UBE2L3: variants seen among roughly 807,000 people sequenced by gnomAD.
The protein encoded by UBE2L3 is ubiquitin-conjugating enzyme E2 L3.
In UBE2L3, 1 loss-of-function variant was observed where a neutral mutation model predicts 17.8. The observed-to-expected ratio is 0.06, with a 90% CI of 0.02 to 0.27. The LOEUF is 0.27. Ranked by LOEUF, UBE2L3 falls within the 10% of genes least tolerant of loss-of-function variation. The pLI, the probability that UBE2L3 is intolerant of heterozygous loss-of-function variation, is 1.00. For synonymous variants in UBE2L3, 44 were observed against 68.5 expected, an observed-to-expected ratio of 0.64 and a Z score of 1.76; for missense variants, 40 against 192.6, an observed-to-expected ratio of 0.21 and a Z score of 4.69.
At chr22:21,611,502 G>A (rs1163010229) in intron 3 of UBE2L3, among the ~76,000 whole-genome samples, 1 of 152,224 alleles carries the variant, frequency 6.6e-6, no homozygotes, top group East Asian at 1.9e-4. Context: ...CTAGAGCCTA[G>A]TTGCTCGGGT....
chr22:21,569,619 C>T (rs553539460), intron 1 of UBE2L3, among the ~76,000 whole-genome samples: 29 of 152,144 alleles, frequency 1.9e-4, no homozygotes, highest in Non-Finnish European at 3.7e-4. Flanking sequence ...TTAATCCTAA[C>T]CTCTTACTTG....
chr22:21,592,758 T>A (rs145566970), intron 1 of UBE2L3, 103 bp from the exon 2 acceptor site: 10 of 911,472 alleles, frequency 1.1e-5, no homozygotes, highest in African/African-American at 9.9e-5. Flanking sequence ...AATTTTGTCA[T>A]TAGCATTTTT....
At chr22:21,568,468 C>G in intron 1 of UBE2L3, 1 of 981,248 alleles carries the variant, frequency 1.0e-6, no homozygotes, top group Non-Finnish European at 1.2e-6. Context: ...CCGATCTCCC[C>G]TCCCTGATAA....
intron 1 of UBE2L3, among the ~76,000 whole-genome samples, chr22:21,577,228 G>A (rs1288570175): frequency 2.0e-5 from 3 of 151,586 alleles, no homozygotes; most frequent in Non-Finnish European, 4.4e-5. Flanking sequence ...TTGGCCTCCC[G>A]AAGTGCTGGT....
At chr22:21,571,206 T>G (rs1926943560) in intron 1 of UBE2L3, among the ~76,000 whole-genome samples, 1 of 152,220 alleles carries the variant, frequency 6.6e-6, no homozygotes, top group African/African-American at 2.4e-5. Flanking sequence ...TCAATCAGGA[T>G]GGGGAAATTG....
chr22:21,593,841 T>C (rs1234957543), intron 2 of UBE2L3, among the ~76,000 whole-genome samples: 2 of 152,160 alleles, frequency 1.3e-5, no homozygotes, highest in Non-Finnish European at 2.9e-5. Context: ...CACTCGCTCC[T>C]GTTCTGCCAC....
chr22:21,562,992 C>T (rs1926499124), upstream of UBE2L3, among the ~76,000 whole-genome samples: 3 of 151,650 alleles, frequency 2.0e-5, no homozygotes, highest in Admixed American at 2.0e-4. Flanking sequence ...GCCTGTAATC[C>T]CAGCACTTTG....
At chr22:21,556,517 C>T (rs1926231211) in intron 1 of UBE2L3, among the ~76,000 whole-genome samples, 1 of 152,266 alleles carries the variant, frequency 6.6e-6, no homozygotes, top group African/African-American at 2.4e-5. Flanking sequence ...GCAACGTTCG[C>T]CTCCTGGACT....
chr22:21,594,344 G>T (rs1432487930), intron 2 of UBE2L3, among the ~76,000 whole-genome samples: 1 of 150,954 alleles, frequency 6.6e-6, no homozygotes, highest in Non-Finnish European at 1.5e-5. Flanking sequence ...GCTTCCTCCT[G>T]TAGATGATTT....
At chr22:21,590,704 C>G (rs1025881356) in intron 1 of UBE2L3, among the ~76,000 whole-genome samples, 2 of 152,164 alleles carry the variant, frequency 1.3e-5, no homozygotes, top group African/African-American at 2.4e-5. Flanking sequence ...GCTAGGACTC[C>G]AGCCTTAAGG....
At chr22:21,598,358 C>T (rs1928668261) in intron 2 of UBE2L3, among the ~76,000 whole-genome samples, 1 of 151,920 alleles carries the variant, frequency 6.6e-6, no homozygotes, top group Non-Finnish European at 1.5e-5. Context: ...TTGAGCACTA[C>T]TTTTGCTGCA....
chr22:21,582,179 C>T (rs939276704), intron 1 of UBE2L3, among the ~76,000 whole-genome samples: 3 of 150,944 alleles, frequency 2.0e-5, no homozygotes, highest in Admixed American at 6.6e-5. Flanking sequence ...GTCTGGGTTT[C>T]GGTGCTTATA....
intron 1 of UBE2L3, among the ~76,000 whole-genome samples, chr22:21,571,506 T>C (rs2148400747): frequency 6.6e-6 from 1 of 152,294 alleles, no homozygotes; most frequent in East Asian, 1.9e-4. Flanking sequence ...CCTCCCAGGT[T>C]CAAGCGATTC....
At chr22:21,599,865 TGTATGAGAAGTACTCATG>T (rs1928763707) in intron 2 of UBE2L3, among the ~76,000 whole-genome samples, 1 of 152,198 alleles carries the variant, frequency 6.6e-6, no homozygotes. Flanking sequence ...AAGTGAATTA[TGTATGAGAAGTACTCATG>T]GCTATTTGAG....
chr22:21,604,598 T>C (rs1235828917), intron 2 of UBE2L3, among the ~76,000 whole-genome samples: 1 of 152,192 alleles, frequency 6.6e-6, no homozygotes, highest in Non-Finnish European at 1.5e-5. Flanking sequence ...ATATATATAT[T>C]TTTTACAACA....
At position 21,610,872 on chromosome 22, in the gene UBE2L3, G is replaced by A; in HGVS notation, c.139G>A (p.Asp47Asn). The change falls in exon 3 of 4, where the codon GAT (aspartate) becomes AAT (asparagine). Residue 47 changes from aspartate to asparagine, a missense_variant. Coordinates refer to ENST00000342192, the MANE Select transcript of UBE2L3 (RefSeq NM_003347.4). ...GLIVPDNPPY[D>N]KGAFRIEINF... is the part of the protein sequence containing the mutation. ...TTCCTTCCAGGACAACCCTCCATAT[G>A]ATAAGGGAGCCTTCAGAATCGAAAT... 1.2e-6 allele frequency: 2 copies of A among 1,610,430 alleles called. No individual in the cohort carries two copies. Among genetic ancestry groups the A allele is most frequent in the Non-Finnish European group, 1.7e-6 (2 of 1,178,280 alleles).
intron 2 of UBE2L3, among the ~76,000 whole-genome samples, chr22:21,602,435 G>GGT (rs1928916263): frequency 6.6e-6 from 1 of 152,152 alleles, no homozygotes; most frequent in Admixed American, 6.5e-5. Flanking sequence ...AGAGCTGTAT[G>GGT]GTGGTCTTCC....
upstream of UBE2L3, among the ~76,000 whole-genome samples, chr22:21,564,810 T>C (rs951202968): frequency 2.6e-5 from 4 of 152,144 alleles, no homozygotes; most frequent in African/African-American, 9.7e-5. Flanking sequence ...CTATGTTTTT[T>C]ATTTGTCCTG....
intron 2 of UBE2L3, among the ~76,000 whole-genome samples, chr22:21,602,081 G>C (rs1338047882): frequency 6.6e-6 from 1 of 152,094 alleles, no homozygotes; most frequent in East Asian, 1.9e-4. Context: ...GCAGCCCACA[G>C]GGCTGGTCTC....
Sources: gnomAD v4.1 joint callset for allele counts (sites outside exome capture counted in the v4.1 genomes callset) on GRCh38, gnomAD v4.1.1 for gene constraint, MANE v1.5 for transcripts, NCBI Gene and HGNC (gene_info 2026-07-23, HGNC 2026-07-21) for gene names.